Variants in ADGRF5 observed in about 807,000 individuals in gnomAD.
ADGRF5 encodes the protein adhesion G protein-coupled receptor F5, also known as G-protein coupled receptor 116.
A neutral mutation model predicts 132.3 loss-of-function variants in ADGRF5; 75 were observed. The ratio of observed to expected loss-of-function variants is 0.57; its 90% CI spans 0.47 to 0.69. The LOEUF (loss-of-function observed/expected upper bound fraction) is 0.69, where lower values mean the gene tolerates loss of function less well. Ranked by LOEUF, ADGRF5 falls within the 30% of genes least tolerant of loss-of-function variation. The probability of loss-of-function intolerance (pLI) is 0.00; values close to 1 mark genes in which losing one functional copy is unlikely to be tolerated. For synonymous variants in ADGRF5, 629 were observed against 597.6 expected (o/e 1.05, Z -0.77); for missense variants, 1,516 against 1,630.6 (o/e 0.93, Z 1.21).
At position 46,862,947 on chromosome 6, in the gene ADGRF5, C is replaced by T. The variant is rs1769960971; in HGVS notation, c.2140G>A (p.Glu714Lys). Residue 714 changes from glutamate to lysine, a missense_variant, in exon 15 of 21, where the codon GAG becomes AAG. Transcript: ENST00000283296. Reference sequence around the variant, plus strand: ...GAGATGCAGTCATTTCTCTTCTCCTCCCACTGGGAGCCTACACATTTGTAA... The same window carrying T: ...GAGATGCAGTCATTTCTCTTCTCCTTCCACTGGGAGCCTACACATTTGTAA... ...ITYKCVGSQW[E>K]EKRNDCISAP... is the part of the protein sequence containing the mutation. 1 of 1,613,362 alleles carries T rather than the reference C, an allele frequency of 6.2e-7. No individual in the cohort carries two copies. Among genetic ancestry groups the T allele is most frequent in the Non-Finnish European group, 8.5e-7 (1 of 1,179,724 alleles).
intron 1 of ADGRF5, among the ~76,000 whole-genome samples, chr6:46,911,838 C>T (rs996322241): frequency 3.9e-5 from 6 of 152,002 alleles, no homozygotes; most frequent in African/African-American, 1.4e-4. Flanking sequence ...GTCCCTGTCT[C>T]CATGAAGCTT....
chr6:46,908,097 C>A (rs555263201), intron 1 of ADGRF5: 2 of 152,200 alleles, frequency 1.3e-5, no homozygotes, highest in Admixed American at 6.5e-5. Context: ...CAGCTGACAA[C>A]TGCCACCTTT....
At chr6:46,913,494 C>T (rs1776148148) in intron 1 of ADGRF5, among the ~76,000 whole-genome samples, 1 of 67,864 alleles carries the variant, frequency 1.5e-5, no homozygotes, top group Non-Finnish European at 3.0e-5. Context: ...AGCAAAACTC[C>T]ACCTCAAAAA....
chr6:46,886,634 A>G (rs1244084478), intron 4 of ADGRF5: 7 of 152,280 alleles, frequency 4.6e-5, no homozygotes, highest in Admixed American at 2.0e-4. Flanking sequence ...TTTATTTGCC[A>G]TTACTAAAAA....
chr6:46,925,630 G>A (rs927347614), upstream of ADGRF5, among the ~76,000 whole-genome samples: 1 of 152,210 alleles, frequency 6.6e-6, no homozygotes, highest in Non-Finnish European at 1.5e-5. Flanking sequence ...GTTGGCAGGT[G>A]CCTGTAATCC....
chr6:46,864,783 C>T (rs1278856534), intron 14 of ADGRF5, among the ~76,000 whole-genome samples: 1 of 152,122 alleles, frequency 6.6e-6, no homozygotes, highest in Non-Finnish European at 1.5e-5. Flanking sequence ...CTCGGCCTCC[C>T]AAAGTGCTGG....
In ADGRF5 at chr6:46,860,867, C is replaced by G; in HGVS notation, c.2227G>C (p.Glu743Gln). The change falls in exon 16 of 21, where the codon GAG (glutamate) becomes CAG (glutamine). Residue 743 changes from glutamate to glutamine, a missense_variant. Transcript: ENST00000283296. ...TCCTTCAGGTATGTAGGGAGCATCT[C>G]ATCCTGAGAGGGGCTCTTGATCAAA... ...KALIKSPSQD[E>Q]MLPTYLKDLS... 6.2e-7 allele frequency: 1 copy of G among 1,611,430 alleles called. No homozygotes were observed. The highest frequency in any genetic ancestry group is 8.5e-7 in the Non-Finnish European group (1 of 1,178,312).
intron 1 of ADGRF5, among the ~76,000 whole-genome samples, chr6:46,952,823 A>G (rs1454992476): frequency 6.6e-6 from 1 of 152,206 alleles, no homozygotes; most frequent in Non-Finnish European, 1.5e-5. Context: ...AAATATAGCA[A>G]CTATCACTTA....
rs143344736 is a variant in ADGRF5 at position 46,859,123 on chromosome 6, G to A, written c.2780C>T (p.Thr927Ile). 1.9e-4 allele frequency: 303 copies of A among 1,614,050 alleles called. No homozygotes were observed. The highest frequency in any genetic ancestry group is 6.6e-4 in the Middle Eastern group (4 of 6,062). The change falls in exon 17 of 21, where the codon ACT becomes ATT. Residue 927 changes from threonine (T) to isoleucine (I), a missense_variant. By Grantham distance (89) the Thr-to-Ile change is moderately conservative. Transcript: ENST00000283296. ...TGGCATAGTTGTATTGTGGCTGACA[G>A]TGGTTGTCATCACTAAGCTCTCTGC... is the stretch of plus-strand genomic sequence containing the variant. ...NFAESLVMTT[T>I]VSHNTTMPFR... is the part of the protein sequence containing the mutation.
At position 46,867,016 on chromosome 6, in the gene ADGRF5, T is replaced by C; in HGVS notation, c.1743A>G (p.Ser581=). ...IMVDPLEATV[S]CSGSHHIKCC... ...ACTTGATGTGATGGGAACCACTGCA[T>C]GAAACAGTAGCTTCCAAAGGATCAA... is the stretch of plus-strand genomic sequence containing the variant. Residue 581 remains serine (S), a synonymous_variant, in exon 13 of 21, where the codon TCA becomes TCG. Transcript: ENST00000283296. 6.2e-7 allele frequency: 1 copy of C among 1,613,984 alleles called. No individual in the cohort carries two copies. Among genetic ancestry groups the C allele is most frequent in the African/African-American group, 1.3e-5 (1 of 75,050 alleles).
At chr6:46,896,006 C>T (rs113677435) in intron 3 of ADGRF5, among the ~76,000 whole-genome samples, 1 of 152,072 alleles carries the variant, frequency 6.6e-6, no homozygotes, top group Admixed American at 6.5e-5. Flanking sequence ...CTGTCCAAGA[C>T]CTTTTGCTGT....
intron 3 of ADGRF5, among the ~76,000 whole-genome samples, chr6:46,889,310 A>G (rs1199557950): frequency 1.4e-5 from 2 of 145,956 alleles, no homozygotes; most frequent in African/African-American, 5.1e-5. Flanking sequence ...TATATATAGT[A>G]TAGTAATATA....
intron 1 of ADGRF5, among the ~76,000 whole-genome samples, chr6:46,930,821 G>A (rs1289058912): frequency 1.3e-5 from 2 of 152,212 alleles, no homozygotes; most frequent in African/African-American, 2.4e-5. Context: ...GGGAGGCTGA[G>A]GCAGGGGGAT....
intron 1 of ADGRF5, among the ~76,000 whole-genome samples, chr6:46,941,431 GAAAAGAAAAGAAAAGA>G (rs1778067363): frequency 1.1e-4 from 6 of 54,066 alleles, no homozygotes; most frequent in South Asian, 5.4e-4. Flanking sequence ...GAAAAGAAAA[GAAAAGAAAAGAAAAGA>G]AAAGAAAAGA....
chr6:46,908,113 T>C (rs919138480), intron 1 of ADGRF5: 14 of 152,192 alleles, frequency 9.2e-5, no homozygotes, highest in Non-Finnish European at 1.9e-4. Context: ...CCTTTTCCTC[T>C]TCCTCAGTGG....
chr6:46,945,522 T>C lies in ADGRF5; in HGVS notation c.-25+9212A>G, dbSNP rs541925464. Among the ~76,000 whole-genome samples, 3 of 152,266 alleles carry C rather than the reference T, an allele frequency of 2.0e-5. No individual in the cohort carries two copies. The South Asian group carries it at 6.2e-4, about 32-fold the overall frequency. ...AGATGAATAAGATGGCATCCCTATGTCCTAGGAAAGAAGTGCATGTGAACA... is the reference window on the plus strand; with the variant it reads ...AGATGAATAAGATGGCATCCCTATGCCCTAGGAAAGAAGTGCATGTGAACA... On this transcript the variant is annotated intron_variant, in intron 1 of 20. Transcript: ENST00000265417.
chr6:46,855,529 C>G (rs1326108409), intron 20 of ADGRF5, among the ~76,000 whole-genome samples: 1 of 152,026 alleles, frequency 6.6e-6, no homozygotes, highest in Non-Finnish European at 1.5e-5. Flanking sequence ...ATAAAAAGAA[C>G]AAAAAAGGAA....
rs67565937 is a variant in ADGRF5, at chr6:46,862,703, C to CTTTTTTTTTTTTTTTTTTTTTTTTTTTTT, written c.2199+184_2199+185insAAAAAAAAAAAAAAAAAAAAAAAAAAAAA. On this transcript the variant is annotated intron_variant, in intron 15 of 20. Transcript: ENST00000283296. The stretch of plus-strand genomic sequence containing the variant: ...AGTTGTCTTAGTATTTGAATTGAGG[C>CTTTTTTTTTTTTTTTTTTTTTTTTTTTTT]TTTTTTTTTTTTTTTTTTTTTTTTT... 3.4e-4 allele frequency among the ~76,000 whole-genome samples: 9 copies of CTTTTTTTTTTTTTTTTTTTTTTTTTTTTT among 26,510 alleles called. 2 individuals are homozygous for CTTTTTTTTTTTTTTTTTTTTTTTTTTTTT. The highest frequency in any genetic ancestry group is 1.9e-3 in the East Asian group (1 of 522). The allele number at this position is 26,510 out of a possible 152,430, so 17.4% of individuals were successfully genotyped here. A position where few individuals can be genotyped will look rare whatever the true frequency, so the allele number is the denominator to read the frequency against.
At chr6:46,895,315 A>G (rs991914846) in intron 3 of ADGRF5, among the ~76,000 whole-genome samples, 10 of 152,074 alleles carry the variant, frequency 6.6e-5, no homozygotes, top group African/African-American at 2.4e-4. Flanking sequence ...CAAGCTTAAA[A>G]CCAACTCCAC....
Sources: allele counts gnomAD v4.1 joint callset (sites outside exome capture counted in the v4.1 genomes callset), GRCh38; gene constraint gnomAD v4.1.1; transcripts MANE v1.5; gene names NCBI Gene and HGNC (gene_info 2026-07-23, HGNC 2026-07-21).